The following CABP2 variants were observed in gnomAD, a reference collection of about 807,000 sequenced individuals.
CABP2 encodes the protein calcium binding protein 2.
In CABP2, 25 loss-of-function variants were observed where a neutral mutation model predicts 28.6. The ratio of observed to expected loss-of-function variants is 0.87; its 90% confidence interval spans 0.64 to 1.22. The LOEUF (loss-of-function observed/expected upper bound fraction) is 1.22. CABP2 is among the 50% of genes most tolerant of loss of function. CABP2 has a pLI of 0.00. For missense variants in CABP2, 310 were observed against 312.2 expected (o/e 0.99, Z 0.05); for synonymous variants, 138 against 126.0 (o/e 1.09, Z -0.64).
chr11:67,520,933 T>A, intron 4 of CABP2, 92 bp downstream of exon 4: 1 of 1,344,626 alleles, frequency 7.4e-7, no homozygotes, highest in Non-Finnish European at 1.0e-6. Context: ...GGACAGCCTG[T>A]GCAGTCACCT....
At position 67,520,156 on chromosome 11, in the gene CABP2, G is replaced by C; in HGVS notation, c.384C>G (p.Gly128=). The change falls in exon 5 of 7, where the codon GGC becomes GGG. Residue 128 remains glycine, a synonymous_variant. Transcript: ENST00000294288. ...ELIEISQQIS[G]GKVDFEDFVE... Reference sequence around the variant, plus strand: ...CGAAGTCTTCAAAGTCCACCTTTCCGCCACCTGGGGGTCCCGTCCATTACA... The same window carrying C: ...CGAAGTCTTCAAAGTCCACCTTTCCCCCACCTGGGGGTCCCGTCCATTACA... The C allele has an allele frequency of 1.2e-6, 2 of 1,610,440 alleles. No individual in the cohort carries two copies. Among genetic ancestry groups the C allele is most frequent in the Non-Finnish European group, 1.7e-6 (2 of 1,176,968 alleles).
rs1866699931 is a variant in CABP2, at chr11:67,519,039, G to A, written c.*100C>T. 2 of 1,335,100 alleles carry A rather than the reference G, an allele frequency of 1.5e-6. No homozygotes were observed. Among genetic ancestry groups the A allele is most frequent in the Non-Finnish European group, 2.1e-6 (2 of 931,098 alleles). 82.7% of individuals were successfully genotyped at this position (1,335,100 alleles called of 1,614,324 possible). On this transcript the variant is annotated 3_prime_UTR_variant, in exon 7 of 7. Transcript: ENST00000294288. ...GCACACAGGTGGGATGGGGAGGAAAGGAGGGTCCCCGCTAGAGGCGATGGG... is the reference window on the plus strand; with the variant it reads ...GCACACAGGTGGGATGGGGAGGAAAAGAGGGTCCCCGCTAGAGGCGATGGG...
In CABP2 at chr11:67,521,952, C is replaced by T. The variant is rs771258675; in HGVS notation, c.244G>A (p.Glu82Lys). 1.9e-6 allele frequency: 3 copies of T among 1,596,020 alleles called. No homozygotes were observed. In the African/African-American group the frequency reaches 4.1e-5, roughly 22 times the overall value. ...DRELRPEEIE[E>K]LQVAFQEFDR... ...ACCAGTTCCTTCTCCAACCCTTTACCTTCAATCTCCTCGGGCCGCAGCTCC... is the reference window on the plus strand; with the variant it reads ...ACCAGTTCCTTCTCCAACCCTTTACTTTCAATCTCCTCGGGCCGCAGCTCC... Residue 82 changes from glutamate to lysine, a missense_variant and splice_region_variant, in exon 3 of 7, where the codon GAG (glutamate) becomes AAG (lysine). Transcript: ENST00000294288.
In CABP2 at chr11:67,519,106, G is replaced by A. The variant is rs759873687; in HGVS notation, c.*33C>T. 1.9e-6 allele frequency: 3 copies of A among 1,613,010 alleles called. No individual in the cohort carries two copies. In the East Asian group the frequency reaches 6.7e-5, roughly 36 times the overall value. On this transcript the variant is annotated 3_prime_UTR_variant, in exon 7 of 7. Transcript: ENST00000294288. ...GGTGGGCAGAGGCTGTGGTCCTTGA[G>A]TCCTTTATGCTGCCTCCAGCTTCTG...
intron 6 of CABP2, 140 bp from the exon 7 acceptor site, chr11:67,519,304 G>C (rs1357254289): frequency 6.4e-6 from 5 of 787,152 alleles, no homozygotes; most frequent in Non-Finnish European, 4.5e-6. Flanking sequence ...ATAGGGAATA[G>C]GCCTCAGAGC....
chr11:67,523,319 T>C lies in CABP2; in HGVS notation c.8A>G (p.Asn3Ser), dbSNP rs1192674537. 4 of 1,554,236 alleles carry C rather than the reference T, an allele frequency of 2.6e-6. No homozygotes were observed. Among genetic ancestry groups the C allele is most frequent in the East Asian group, 2.4e-5 (1 of 41,430 alleles). Residue 3 changes from asparagine to serine, a missense_variant, in exon 1 of 7, where the codon AAC becomes AGC. Coordinates refer to ENST00000294288, the MANE Select transcript of CABP2 (RefSeq NM_016366.3). MG[N>S]CAKRPWRRGP... The stretch of plus-strand genomic sequence containing the variant: ...CCGGCGCCAGGGCCGCTTGGCACAG[T>C]TCCCCATGGGCCCTGAACCATGCCA...
chr11:67,520,247 C>T (rs370013348), intron 4 of CABP2, 87 bp from the exon 5 acceptor site: 38 of 793,230 alleles, frequency 4.8e-5, no homozygotes, highest in South Asian at 4.3e-4. Context: ...GCCTTCCCTT[C>T]GTGAATGGAT....
rs371780282 is a variant in CABP2 at position 67,521,158 on chromosome 11, C to G, written c.246G>C (p.Glu82Asp). The G allele has an allele frequency of 1.9e-6, 3 of 1,611,722 alleles. No individual in the cohort carries two copies. Among genetic ancestry groups the G allele is most frequent in the African/African-American group, 2.7e-5 (2 of 74,902 alleles). ...DRELRPEEIE[E>D]LQVAFQEFDR... ...CAAACTCCTGGAAGGCGACCTGCAG[C>G]TCTGCCAGGCAGGGTGGGGTCAGTC... The change falls in exon 4 of 7, where the codon GAG (glutamate) becomes GAC (aspartate). Residue 82 changes from glutamate to aspartate, a missense_variant and splice_region_variant. Transcript: ENST00000294288.
chr11:67,519,046 C>T lies in CABP2; in HGVS notation c.*93G>A. The T allele has an allele frequency of 7.2e-7, 1 of 1,396,016 alleles. No homozygotes were observed. The highest frequency in any genetic ancestry group is 1.0e-6 in the Non-Finnish European group (1 of 985,046). 86.5% of individuals were successfully genotyped at this position (1,396,016 alleles called of 1,614,324 possible). A position where few individuals can be genotyped will look rare whatever the true frequency, so the allele number is the denominator to read the frequency against. The stretch of plus-strand genomic sequence containing the variant: ...GGTGGGATGGGGAGGAAAGGAGGGT[C>T]CCCGCTAGAGGCGATGGGCTTCAAG... On this transcript the variant is annotated 3_prime_UTR_variant, in exon 7 of 7. Transcript: ENST00000294288.
chr11:67,523,180 C>T (rs1866776221), intron 1 of CABP2, 105 bp downstream of exon 1: 2 of 880,670 alleles, frequency 2.3e-6, no homozygotes, highest in Admixed American at 2.7e-5. Flanking sequence ...GGGCAGTGGG[C>T]AGCCCCCAAC....
chr11:67,519,188 T>A (rs368611225), intron 6 of CABP2, 24 bp from the exon 7 acceptor site: 2 of 1,613,546 alleles, frequency 1.2e-6, no homozygotes, highest in Non-Finnish European at 1.7e-6. Context: ...GCCAAGGTTT[T>A]GGGTCTGTTC....
rs557972565 is a variant in CABP2 at position 67,518,966 on chromosome 11, G to A, written c.*173C>T. 1.3e-5 allele frequency: 8 copies of A among 639,686 alleles called. No individual in the cohort carries two copies. The East Asian group carries it at 1.4e-4, about 11-fold the overall frequency. The allele number at this position is 639,686 out of a possible 1,614,324, so 39.6% of individuals were successfully genotyped here. A position where few individuals can be genotyped will look rare whatever the true frequency, so the allele number is the denominator to read the frequency against. On this transcript the variant is annotated 3_prime_UTR_variant, in exon 7 of 7. Coordinates refer to ENST00000294288, the MANE Select transcript of CABP2 (RefSeq NM_016366.3). Reference sequence around the variant, plus strand: ...CAGAGAGACAGAGACAAGGCCAGGCGGCTTTATTGGAGAAGTGGTGGTGGG... The same window carrying A: ...CAGAGAGACAGAGACAAGGCCAGGCAGCTTTATTGGAGAAGTGGTGGTGGG...
intron 1 of CABP2, among the ~76,000 whole-genome samples, chr11:67,522,986 T>C (rs1866771974): frequency 6.6e-6 from 1 of 152,224 alleles, no homozygotes; most frequent in African/African-American, 2.4e-5. Context: ...GAGAGGGACC[T>C]TGTGCCCAGC....
Position 67,518,985 on chromosome 11 carries a change from T to G in CABP2, c.*154A>C. 1 of 677,134 alleles carries G rather than the reference T, an allele frequency of 1.5e-6. No homozygotes were observed. The highest frequency in any genetic ancestry group is 2.6e-6 in the Non-Finnish European group (1 of 382,590). The allele number at this position is 677,134 out of a possible 1,614,324, so 41.9% of individuals were successfully genotyped here. ...CCAGGCGGCTTTATTGGAGAAGTGG[T>G]GGTGGGGGTGAAGGCAGGCAAGGGC... On this transcript the variant is annotated 3_prime_UTR_variant, in exon 7 of 7. Coordinates refer to ENST00000294288, the MANE Select transcript of CABP2 (RefSeq NM_016366.3).
At position 67,519,246 on chromosome 11, in the gene CABP2, T is replaced by C. The variant is rs561471990; in HGVS notation, c.638-82A>G. The C allele has an allele frequency of 9.7e-6, 14 of 1,450,390 alleles. No homozygotes were observed. In the African/African-American group the frequency reaches 1.1e-4, roughly 12 times the overall value. 89.8% of individuals were successfully genotyped at this position (1,450,390 alleles called of 1,614,324 possible). ...GATCATCTGCAGGCCTTGGGGCGGG[T>C]GGGAGTGTGGTTGAGGGGAGGGTCT... On this transcript the variant is annotated intron_variant, in intron 6 of 6. Coordinates refer to ENST00000294288, the MANE Select transcript of CABP2 (RefSeq NM_016366.3).
At position 67,522,670 on chromosome 11, in the gene CABP2, C is replaced by T; in HGVS notation, c.89G>A (p.Ser30Asn). 6.5e-7 allele frequency: 1 copy of T among 1,534,844 alleles called. No individual in the cohort carries two copies. The highest frequency in any genetic ancestry group is 8.8e-7 in the Non-Finnish European group (1 of 1,137,752). The change falls in exon 2 of 7, where the codon AGC becomes AAC. Residue 30 changes from serine (S) to asparagine (N), a missense_variant. Ser to Asn is a conservative substitution (Grantham distance 46). Transcript: ENST00000294288. ...CTGCTCCTTGGGGCTGGAGCTGGGG[C>T]TGGGGCAGGAGCCCCTTGGTGGGGA... ...LGSPPRGSCP[S>N]PSSSPKEQGD...
At chr11:67,519,515 GGAA>G (rs1226581847) in intron 6 of CABP2, among the ~76,000 whole-genome samples, 1 of 152,200 alleles carries the variant, frequency 6.6e-6, no homozygotes, top group Non-Finnish European at 1.5e-5. Context: ...GCAGCATAGA[GGAA>G]GAGCTGGGTT....
chr11:67,521,419 T>G (rs1866746559), intron 3 of CABP2, among the ~76,000 whole-genome samples: 1 of 152,230 alleles, frequency 6.6e-6, no homozygotes, highest in East Asian at 1.9e-4. Context: ...AGAAAGAAAG[T>G]GGGGGAAACA....
At chr11:67,522,451 A>T in intron 2 of CABP2, 95 bp downstream of exon 2, 4 of 1,316,188 alleles carry the variant, frequency 3.0e-6, no homozygotes, top group Non-Finnish European at 4.3e-6. Flanking sequence ...GCGAGGGGCA[A>T]GGGTAGGTGG....
Sources: allele counts gnomAD v4.1 joint callset (sites outside exome capture counted in the v4.1 genomes callset), GRCh38; gene constraint gnomAD v4.1.1; transcripts MANE v1.5; gene names NCBI Gene and HGNC (gene_info 2026-07-23, HGNC 2026-07-21).